Variants in PTPRD observed in about 807,000 individuals in gnomAD.
PTPRD encodes protein tyrosine phosphatase receptor type D, also known as receptor-type tyrosine-protein phosphatase delta.
PTPRD carries 34 observed loss-of-function variants against 214.5 expected under a neutral mutation model. The ratio of observed to expected loss-of-function variants is 0.16; its 90% CI spans 0.12 to 0.21. PTPRD has a LOEUF of 0.21. Among genes scored for constraint, PTPRD ranks in the 10% least tolerant of loss-of-function variants. PTPRD has a pLI of 1.00. For synonymous variants in PTPRD, 1,128 were observed against 845.7 expected, an observed-to-expected ratio of 1.33 and a Z score of -5.79; for missense variants, 2,545 against 2,398.7, an observed-to-expected ratio of 1.06 and a Z score of -1.27.
chr9:10,529,765 G>T (rs1566761231), intron 2 of PTPRD, among the ~76,000 whole-genome samples: 1 of 149,826 alleles, frequency 6.7e-6, no homozygotes, highest in Admixed American at 6.7e-5. Flanking sequence ...GGACATGGAT[G>T]AAGCTGGAAG....
rs193149761 is a variant in PTPRD at position 8,919,320 on chromosome 9, G to C, written c.-104+99377C>G. 7.3e-5 allele frequency among the ~76,000 whole-genome samples: 11 copies of C among 151,676 alleles called. No homozygotes were observed. The East Asian group carries it at 7.8e-4, about 11-fold the overall frequency. On this transcript the variant is annotated intron_variant, in intron 11 of 45. Transcript: ENST00000381196. ...AGGCAGGAGAATCGCTTGAACCTGG[G>C]GGGTGGAGGTGCAGTGAGCCGAGGC...
At chr9:10,513,189 T>C (rs540073982) in intron 2 of PTPRD, among the ~76,000 whole-genome samples, 22 of 152,208 alleles carry the variant, frequency 1.4e-4, no homozygotes, top group African/African-American at 5.3e-4. Context: ...TGTATGTGTG[T>C]GTGTGTGTGT....
chr9:10,516,008 T>C (rs1022554934), intron 2 of PTPRD, among the ~76,000 whole-genome samples: 1 of 152,046 alleles, frequency 6.6e-6, no homozygotes, highest in Non-Finnish European at 1.5e-5. Context: ...CACATGTTTG[T>C]TATTGTGAAT....
At chr9:9,919,377 C>G (rs1442642068) in intron 5 of PTPRD, among the ~76,000 whole-genome samples, 2 of 152,092 alleles carry the variant, frequency 1.3e-5, no homozygotes, top group Admixed American at 6.6e-5. Context: ...CAAAGTCCCC[C>G]CACAGGAAGG....
intron 3 of PTPRD, among the ~76,000 whole-genome samples, chr9:10,186,174 T>C (rs140717212): frequency 6.6e-6 from 1 of 152,208 alleles, no homozygotes; most frequent in African/African-American, 2.4e-5. Context: ...GGATCAACGT[T>C]TTTGATTGGA....
chr9:9,781,250 TA>T (rs1362857722), intron 5 of PTPRD, among the ~76,000 whole-genome samples: 1 of 152,162 alleles, frequency 6.6e-6, no homozygotes, highest in Non-Finnish European at 1.5e-5. Context: ...AAGATGTCAA[TA>T]ATGGGTTTAA....
intron 10 of PTPRD, among the ~76,000 whole-genome samples, chr9:9,081,146 C>A (rs1403912607): frequency 6.6e-6 from 1 of 152,056 alleles, no homozygotes; most frequent in Admixed American, 6.6e-5. Flanking sequence ...CTATAAATTT[C>A]CCTCTAAACA....
At chr9:8,837,696 C>T (rs918729038) in intron 11 of PTPRD, among the ~76,000 whole-genome samples, 4 of 151,546 alleles carry the variant, frequency 2.6e-5, no homozygotes, top group African/African-American at 7.3e-5. Flanking sequence ...AAGGTGAGAT[C>T]TTGCTATGTT....
At chr9:10,477,552 C>T (rs2099071054) in intron 2 of PTPRD, among the ~76,000 whole-genome samples, 1 of 152,088 alleles carries the variant, frequency 6.6e-6, no homozygotes, top group Non-Finnish European at 1.5e-5. Flanking sequence ...ATTAGTTCGA[C>T]CATTGTGGAA....
In PTPRD at chr9:10,375,618, C is replaced by T. The variant is rs368784323; in HGVS notation, c.-599-34601G>A. 1.8e-4 allele frequency among the ~76,000 whole-genome samples: 27 copies of T among 152,134 alleles called. 1 individual carries two copies. Among genetic ancestry groups the T allele is most frequent in the African/African-American group, 5.5e-4 (23 of 41,558 alleles). On this transcript the variant is annotated intron_variant, in intron 2 of 45. Coordinates refer to ENST00000381196, the MANE Select transcript of PTPRD (RefSeq NM_002839.4). Reference sequence around the variant, plus strand: ...AAAGAATAGTTCAGTAATTTAAAAACTGGCACATTATTGCTTTAATAGGAA... The same window carrying T: ...AAAGAATAGTTCAGTAATTTAAAAATTGGCACATTATTGCTTTAATAGGAA...
intron 11 of PTPRD, among the ~76,000 whole-genome samples, chr9:8,870,687 AACACACACACACACACAC>A (rs3046878): frequency 3.6e-4 from 47 of 131,468 alleles, no homozygotes; most frequent in African/African-American, 1.3e-3. Context: ...ACAGACATGA[AACACACACACACACACAC>A]ACACACACAC....
chr9:9,746,574 T>C (rs2098460260), intron 6 of PTPRD, among the ~76,000 whole-genome samples: 1 of 152,210 alleles, frequency 6.6e-6, no homozygotes, highest in Non-Finnish European at 1.5e-5. Context: ...TGAGTCGATA[T>C]TCACTAAATT....
At chr9:8,411,695 G>A (rs1263532155) in intron 35 of PTPRD, among the ~76,000 whole-genome samples, 2 of 152,210 alleles carry the variant, frequency 1.3e-5, no homozygotes, top group African/African-American at 4.8e-5. Context: ...CAATGTGCTA[G>A]AGGAATAAGA....
chr9:9,699,602 C>T (rs373502346), intron 7 of PTPRD, among the ~76,000 whole-genome samples: 24 of 152,220 alleles, frequency 1.6e-4, no homozygotes, highest in East Asian at 3.9e-4. Flanking sequence ...TATCCCATTT[C>T]GGAAAATGCT....
intron 2 of PTPRD, among the ~76,000 whole-genome samples, chr9:10,454,300 C>A (rs1384762823): frequency 1.3e-5 from 2 of 151,548 alleles, no homozygotes. Flanking sequence ...CTTCTCTATT[C>A]CTCACCTAAA....
In PTPRD at chr9:10,573,497, A is replaced by G. The variant is rs535278972; in HGVS notation, c.-600+38901T>C. On this transcript the variant is annotated intron_variant, in intron 2 of 45. Transcript: ENST00000381196. ...CAGTATTTGTATGGAGGAAGGCAAG[A>G]TGGCCAACTAGACATAGCCAGGAGG... is the stretch of plus-strand genomic sequence containing the variant. Among the ~76,000 whole-genome samples, 61 of 152,254 alleles carry G rather than the reference A, an allele frequency of 4.0e-4. 1 individual carries two copies. The highest frequency in any genetic ancestry group is 1.4e-3 in the African/African-American group (59 of 41,564).
intron 5 of PTPRD, among the ~76,000 whole-genome samples, chr9:9,848,738 A>G (rs1052175708): frequency 7.2e-5 from 11 of 152,112 alleles, no homozygotes; most frequent in Non-Finnish European, 1.3e-4. Context: ...ATTTTAATAC[A>G]AAAACAATTT....
intron 9 of PTPRD, among the ~76,000 whole-genome samples, chr9:9,194,814 A>T (rs1345330207): frequency 6.6e-6 from 1 of 152,050 alleles, no homozygotes; most frequent in African/African-American, 2.4e-5. Flanking sequence ...CTAAAAGGGG[A>T]TGTGGAACAA....
At chr9:8,328,175 T>C (rs1835931180) in intron 44 of PTPRD, among the ~76,000 whole-genome samples, 1 of 152,210 alleles carries the variant, frequency 6.6e-6, no homozygotes, top group Non-Finnish European at 1.5e-5. Flanking sequence ...CTTTCCATGT[T>C]TAGTGCTTCC....
Sources: gnomAD v4.1 joint callset for allele counts (sites outside exome capture counted in the v4.1 genomes callset) on GRCh38, gnomAD v4.1.1 for gene constraint, MANE v1.5 for transcripts, NCBI Gene and HGNC (gene_info 2026-07-23, HGNC 2026-07-21) for gene names.